The following CTNNA3 variants were observed in gnomAD, a reference collection of about 807,000 sequenced individuals.
CTNNA3 encodes catenin alpha-3.
CTNNA3 carries 76 observed loss-of-function variants against 95.7 expected under a neutral mutation model. That is an observed-to-expected ratio of 0.79 (90% CI 0.66 to 0.96). CTNNA3 has a LOEUF of 0.96. Ranked by LOEUF, CTNNA3 falls within the 40% of genes least tolerant of loss-of-function variation. The pLI, the probability that CTNNA3 is intolerant of heterozygous loss-of-function variation, is 0.00. For synonymous variants in CTNNA3, 431 were observed against 374.4 expected (o/e 1.15, Z -1.74); for missense variants, 1,191 against 1,089.8 (o/e 1.09, Z -1.31).
chr10:67,476,946 G>A (rs890006293), intron 5 of CTNNA3, among the ~76,000 whole-genome samples: 14 of 151,636 alleles, frequency 9.2e-5, no homozygotes, highest in African/African-American at 2.4e-4. Context: ...ATCCTGAGCC[G>A]CCTCAGCCTT....
chr10:66,555,103 T>C (rs959578168), intron 10 of CTNNA3, among the ~76,000 whole-genome samples: 2 of 152,278 alleles, frequency 1.3e-5, no homozygotes, highest in African/African-American at 4.8e-5. Flanking sequence ...GAAATTTTCA[T>C]GATTTCTCAA....
At chr10:67,417,696 A>T (rs1564636102) in intron 5 of CTNNA3, among the ~76,000 whole-genome samples, 1 of 152,004 alleles carries the variant, frequency 6.6e-6, no homozygotes, top group Non-Finnish European at 1.5e-5. Flanking sequence ...GTTTAAATCC[A>T]ATTTAAATTG....
At chr10:66,376,838 T>A (rs2092799747) in intron 12 of CTNNA3, among the ~76,000 whole-genome samples, 1 of 152,206 alleles carries the variant, frequency 6.6e-6, no homozygotes, top group East Asian at 1.9e-4. Flanking sequence ...TATTTCCAAT[T>A]ATTTAATTTG....
At chr10:67,726,558 TATA>T (rs1841225896) in intron 1 of CTNNA3, among the ~76,000 whole-genome samples, 1 of 78,144 alleles carries the variant, frequency 1.3e-5, no homozygotes, top group Admixed American at 2.3e-4. Context: ...TATTATATAA[TATA>T]ATATATATTA....
At chr10:67,437,466 T>C (rs761073105) in intron 5 of CTNNA3, among the ~76,000 whole-genome samples, 62 of 149,554 alleles carry the variant, frequency 4.1e-4, no homozygotes, top group Non-Finnish European at 8.1e-4. Context: ...CCAATAAATT[T>C]AATAAATACC....
intron 7 of CTNNA3, among the ~76,000 whole-genome samples, chr10:67,056,259 C>T (rs972810511): frequency 3.3e-5 from 5 of 152,194 alleles, no homozygotes; most frequent in Non-Finnish European, 7.4e-5. Flanking sequence ...TGTGGACCCA[C>T]TAGGATGTGT....
intron 7 of CTNNA3, among the ~76,000 whole-genome samples, chr10:66,807,949 CA>C (rs1841721131): frequency 6.6e-6 from 1 of 152,010 alleles, no homozygotes. Context: ...GTGATCTCAC[CA>C]CTCTTGCTTG....
intron 15 of CTNNA3, among the ~76,000 whole-genome samples, chr10:66,045,799 A>C (rs1372791980): frequency 1.3e-5 from 2 of 152,228 alleles, no homozygotes; most frequent in Non-Finnish European, 2.9e-5. Flanking sequence ...AACCAACCAA[A>C]CAAATAAAAC....
At chr10:66,127,188 C>T (rs955990485) in intron 13 of CTNNA3, among the ~76,000 whole-genome samples, 3 of 145,084 alleles carry the variant, frequency 2.1e-5, no homozygotes, top group Admixed American at 1.4e-4. Flanking sequence ...AGGAGACTGG[C>T]GTGAACCCAG....
chr10:67,231,113 T>A (rs1865180787), intron 5 of CTNNA3, among the ~76,000 whole-genome samples: 1 of 152,072 alleles, frequency 6.6e-6, no homozygotes, highest in African/African-American at 2.4e-5. Flanking sequence ...CGCCCGCCAT[T>A]GCCCAGGCCT....
chr10:66,430,015 G>A (rs2093280168), intron 11 of CTNNA3, among the ~76,000 whole-genome samples: 1 of 136,630 alleles, frequency 7.3e-6, no homozygotes, highest in Non-Finnish European at 1.6e-5. Flanking sequence ...CATCATCTCA[G>A]TCGAAAATCT....
chr10:66,620,278 T>G (rs1395310766), intron 10 of CTNNA3, among the ~76,000 whole-genome samples: 1 of 152,058 alleles, frequency 6.6e-6, no homozygotes, highest in Non-Finnish European at 1.5e-5. Flanking sequence ...GACTGAAAAA[T>G]TATTTAAAAA....
intron 13 of CTNNA3, among the ~76,000 whole-genome samples, chr10:66,181,995 A>G (rs1177103882): frequency 1.1e-4 from 17 of 152,150 alleles, no homozygotes; most frequent in Non-Finnish European, 2.5e-4. Flanking sequence ...TAATTTTGCA[A>G]TTGCTAATGT....
chr10:67,641,858 G>T (rs58091685), intron 2 of CTNNA3, among the ~76,000 whole-genome samples: 2 of 152,056 alleles, frequency 1.3e-5, no homozygotes, highest in East Asian at 1.9e-4. Context: ...GGCCTGTCGT[G>T]GGGTAGCCGG....
intron 7 of CTNNA3, among the ~76,000 whole-genome samples, chr10:66,830,959 A>AG (rs1318548016): frequency 3.4e-5 from 5 of 147,856 alleles, no homozygotes; most frequent in Admixed American, 6.7e-5. Context: ...GTCATAAAAA[A>AG]GGGAAAAAAA....
At chr10:67,449,412 A>C (rs1161851050) in intron 5 of CTNNA3, among the ~76,000 whole-genome samples, 1 of 152,182 alleles carries the variant, frequency 6.6e-6, no homozygotes, top group Non-Finnish European at 1.5e-5. Flanking sequence ...TGGAGGCATC[A>C]TATTACCCAA....
chr10:66,885,415 G>A (rs1293307465), intron 7 of CTNNA3, among the ~76,000 whole-genome samples: 1 of 151,286 alleles, frequency 6.6e-6, no homozygotes, highest in Non-Finnish European at 1.5e-5. Context: ...ATCTTAATGA[G>A]CAACCATATC....
chr10:66,503,223 T>C (rs892964581), intron 11 of CTNNA3, among the ~76,000 whole-genome samples: 1 of 152,226 alleles, frequency 6.6e-6, no homozygotes, highest in Non-Finnish European at 1.5e-5. Context: ...TGTAAAAGAA[T>C]GTGAGCTCTA....
At chr10:66,453,742 T>C (rs2093479137) in intron 11 of CTNNA3, among the ~76,000 whole-genome samples, 1 of 152,188 alleles carries the variant, frequency 6.6e-6, no homozygotes, top group Admixed American at 6.5e-5. Flanking sequence ...CTAGATGTAA[T>C]TATCAACTGA....
Sources: gnomAD v4.1 joint callset for allele counts (sites outside exome capture counted in the v4.1 genomes callset) on GRCh38, gnomAD v4.1.1 for gene constraint, MANE v1.5 for transcripts, NCBI Gene and HGNC (gene_info 2026-07-23, HGNC 2026-07-21) for gene names.